Variants in KRT8 observed in about 807,000 individuals in gnomAD.
KRT8 encodes keratin, type II cytoskeletal 8.
In KRT8, 24 loss-of-function variants were observed where a neutral mutation model predicts 43.0. The ratio of observed to expected loss-of-function variants is 0.56; its 90% confidence interval spans 0.40 to 0.78. The LOEUF is 0.78. Among genes scored for constraint, KRT8 ranks in the 30% least tolerant of loss-of-function variants. The pLI, the probability that KRT8 is intolerant of heterozygous loss-of-function variation, is 0.00. For synonymous variants in KRT8, 214 were observed against 261.2 expected (o/e 0.82, Z 1.74); for missense variants, 492 against 638.4 (o/e 0.77, Z 2.47).
chr12:52,947,860 A>G (rs1338245326), intron 2 of KRT8: 2 of 152,096 alleles, frequency 1.3e-5, no homozygotes, highest in African/African-American at 4.8e-5. Context: ...GATGTGGGAC[A>G]CATTATCATC....
chr12:52,943,257 C>T lies in KRT8; in HGVS notation c.-47+6199G>A, dbSNP rs148774121. Among the ~76,000 whole-genome samples the T allele has an allele frequency of 1.4e-3, 207 of 152,264 alleles. 1 individual carries two copies. The highest frequency in any genetic ancestry group is 4.8e-3 in the African/African-American group (199 of 41,564). ...CTACATTTTGCCTCCACTTGGTCCT[C>T]TCTCTCCTCCCTCTCAGTCCACACC... is the stretch of plus-strand genomic sequence containing the variant. On this transcript the variant is annotated intron_variant, in intron 2 of 6. Transcript: ENST00000546826.
chr12:52,937,992 T>G (rs971658348), intron 2 of KRT8, among the ~76,000 whole-genome samples: 3 of 100,688 alleles, frequency 3.0e-5, no homozygotes, highest in Non-Finnish European at 4.1e-5. Context: ...AGAACAAAAC[T>G]CCATCTCAAA....
In KRT8 at chr12:52,898,676, C is replaced by T. The variant is rs1487329376; in HGVS notation, c.1202+3G>A. 1 of 1,614,152 alleles carries T rather than the reference C, an allele frequency of 6.2e-7. No homozygotes were observed. The highest frequency in any genetic ancestry group is 8.5e-7 in the Non-Finnish European group (1 of 1,179,970). ...AGGTCCGGTCAGAGGTACCCACACC[C>T]ACCGGCTCTCCTCGCCCTCCAGCAG... On this transcript the variant is annotated splice_donor_region_variant and intron_variant, in intron 6 of 7. Transcript: ENST00000692008.
intron 2 of KRT8, among the ~76,000 whole-genome samples, chr12:52,922,932 G>A (rs1340995863): frequency 2.0e-5 from 3 of 152,072 alleles, no homozygotes; most frequent in Non-Finnish European, 2.9e-5. Context: ...TGAACTGATC[G>A]GCCAACACCT....
At chr12:52,917,939 GGAAGAAGAGGAAGAGGAAGAA>G (rs1160805509) in intron 2 of KRT8, among the ~76,000 whole-genome samples, 7 of 132,222 alleles carry the variant, frequency 5.3e-5, no homozygotes, top group East Asian at 2.2e-4. Flanking sequence ...AAGGAGAAGA[GGAAGAAGAGGAAGAGGAAGAA>G]GAAGAAGAGG....
intron 2 of KRT8, among the ~76,000 whole-genome samples, chr12:52,944,113 T>A (rs1015375227): frequency 6.6e-6 from 1 of 152,152 alleles, no homozygotes; most frequent in South Asian, 2.1e-4. Context: ...GCCAAAGCTC[T>A]TCCAGGCACG....
At position 52,918,156 on chromosome 12, in the gene KRT8, G is replaced by A. The variant is rs11170333; in HGVS notation, c.-46-13129C>T. 5.3e-3 allele frequency among the ~76,000 whole-genome samples: 361 copies of A among 68,072 alleles called. 22 individuals carry two copies. In the East Asian group the frequency reaches 0.15, roughly 28 times the overall value. The allele number at this position is 68,072 out of a possible 152,430, so 44.7% of individuals were successfully genotyped here. ...GAGGGGGAGAGGGAGAGGGAGAAGGGGAAGAAGAAGAAGAAGAGGAAGAGG... is the reference window on the plus strand; with the variant it reads ...GAGGGGGAGAGGGAGAGGGAGAAGGAGAAGAAGAAGAAGAAGAGGAAGAGG... On this transcript the variant is annotated intron_variant, in intron 2 of 6. Transcript: ENST00000546826.
At chr12:52,899,003 TC>T in intron 5 of KRT8, 104 bp from the exon 6 acceptor site, 6 of 958,792 alleles carry the variant, frequency 6.3e-6, no homozygotes, top group Non-Finnish European at 9.7e-6. Context: ...CTAGGCTGAC[TC>T]CCCCCAGCTC....
chr12:52,913,040 C>T (rs1941666203), intron 2 of KRT8, among the ~76,000 whole-genome samples: 1 of 152,192 alleles, frequency 6.6e-6, no homozygotes, highest in South Asian at 2.1e-4. Flanking sequence ...GGCCTGCCTG[C>T]CTTGGGTTGA....
chr12:52,897,350 C>G, exon 8 of KRT8: 1 of 1,320,708 alleles, frequency 7.6e-7, no homozygotes, highest in Non-Finnish European at 1.1e-6. Flanking sequence ...GTTCCCAGTG[C>G]TACCCTGCAT....
intron 3 of KRT8, chr12:52,900,931 T>A (rs1213153273): frequency 1.6e-6 from 1 of 634,028 alleles, no homozygotes; most frequent in African/African-American, 1.8e-5. Flanking sequence ...GATCTCCAGT[T>A]CTACTGCTCT....
chr12:52,899,993 C>G lies in KRT8; in HGVS notation c.763G>C (p.Asp255His), dbSNP rs778059843. ...ACCTCAGCAATGATGCTGTCCATGTCCAGGGAGCGGCTGTTGTCCATGGAC... is the reference window on the plus strand; with the variant it reads ...ACCTCAGCAATGATGCTGTCCATGTGCAGGGAGCGGCTGTTGTCCATGGAC... The change falls in exon 5 of 8, where the codon GAC (aspartate) becomes CAC (histidine). Residue 255 changes from aspartate (D) to histidine (H), a missense_variant. Physicochemically the swap from Asp to His is moderately conservative, Grantham distance 81. This residue lies in a region of KRT8 where 389 missense variants were observed against 485.7 expected (regional missense o/e 0.80). Transcript: ENST00000692008. The G allele has an allele frequency of 2.4e-5, 39 of 1,613,160 alleles. No homozygotes were observed. Among genetic ancestry groups the G allele is most frequent in the Non-Finnish European group, 3.2e-5 (38 of 1,180,000 alleles).
chr12:52,905,721 GCACA>G (rs746497497), upstream of KRT8, among the ~76,000 whole-genome samples: 18 of 143,262 alleles, frequency 1.3e-4, no homozygotes, highest in Non-Finnish European at 2.3e-4. Context: ...CATCACACGC[GCACA>G]CACACACACA....
chr12:52,915,905 C>G (rs1467783208), intron 2 of KRT8, among the ~76,000 whole-genome samples: 1 of 152,172 alleles, frequency 6.6e-6, no homozygotes, highest in African/African-American at 2.4e-5. Context: ...AGTCTACCTT[C>G]TGTACCTTAT....
intron 2 of KRT8, among the ~76,000 whole-genome samples, chr12:52,915,717 A>T (rs1941725295): frequency 6.6e-6 from 1 of 152,142 alleles, no homozygotes; most frequent in Non-Finnish European, 1.5e-5. Context: ...TCCGTCTCAA[A>T]AAAAAAAGAA....
At chr12:52,904,163 G>T (rs939294367) in intron 1 of KRT8, among the ~76,000 whole-genome samples, 1 of 151,994 alleles carries the variant, frequency 6.6e-6, no homozygotes. Context: ...AATCACAAAG[G>T]CACCACTGGG....
chr12:52,904,574 G>A (rs1047756327), intron 1 of KRT8, 84 bp downstream of exon 1: 4 of 1,302,196 alleles, frequency 3.1e-6, no homozygotes, highest in Admixed American at 1.7e-5. Context: ...GACGCCAGCT[G>A]GGGGCTGGAG....
At chr12:52,938,808 G>A (rs911577407) in intron 2 of KRT8, among the ~76,000 whole-genome samples, 10 of 152,020 alleles carry the variant, frequency 6.6e-5, no homozygotes, top group Non-Finnish European at 8.8e-5. Flanking sequence ...TAGTAGAGAC[G>A]GGGTTTCACC....
chr12:52,929,019 T>C (rs186275749), intron 2 of KRT8, among the ~76,000 whole-genome samples: 12 of 152,290 alleles, frequency 7.9e-5, no homozygotes, highest in African/African-American at 2.9e-4. Flanking sequence ...ATACTCGTTG[T>C]CAATTTTTCA....
Sources: allele counts gnomAD v4.1 joint callset (sites outside exome capture counted in the v4.1 genomes callset), GRCh38; gene constraint gnomAD v4.1.1; regional missense constraint gnomAD v4.1.1; transcripts MANE v1.5; gene names NCBI Gene and HGNC (gene_info 2026-07-23, HGNC 2026-07-21).